TMEM74: variants seen among roughly 807,000 people sequenced by gnomAD.
The protein encoded by TMEM74 is transmembrane protein 74.
In TMEM74, 13 loss-of-function variants were observed where a neutral mutation model predicts 18.1. That is an observed-to-expected ratio of 0.72 (90% CI 0.47 to 1.14). The LOEUF is 1.14. Ranked by LOEUF, TMEM74 falls within the 50% of genes most tolerant of loss-of-function variation. The pLI, the probability that TMEM74 is intolerant of heterozygous loss-of-function variation, is 0.00. For synonymous variants in TMEM74, 159 were observed against 146.6 expected, an observed-to-expected ratio of 1.08 and a Z score of -0.61; for missense variants, 372 against 375.9, an observed-to-expected ratio of 0.99 and a Z score of 0.09.
intron 1 of TMEM74, among the ~76,000 whole-genome samples, chr8:108,730,636 T>G (rs1475601496): frequency 3.4e-5 from 5 of 145,904 alleles, no homozygotes; most frequent in Non-Finnish European, 6.0e-5. Context: ...CAGACTTCCT[T>G]TTTTTTTTTT....
At chr8:108,747,750 T>C (rs1000111448) in intron 1 of TMEM74, among the ~76,000 whole-genome samples, 1 of 145,668 alleles carries the variant, frequency 6.9e-6, no homozygotes, top group African/African-American at 2.5e-5. Flanking sequence ...GTGTCTGTTG[T>C]TTCCCCCCTG....
chr8:108,660,028 C>G (rs1812884630), intron 1 of TMEM74, among the ~76,000 whole-genome samples: 1 of 152,174 alleles, frequency 6.6e-6, no homozygotes, highest in Admixed American at 6.5e-5. Flanking sequence ...CCACCTAACC[C>G]CGCTTCCTCT....
chr8:108,683,690 C>T (rs1813138420), intron 1 of TMEM74, among the ~76,000 whole-genome samples: 1 of 151,876 alleles, frequency 6.6e-6, no homozygotes, highest in South Asian at 2.1e-4. Context: ...TTAGTCTATC[C>T]ATCATCTCAA....
chr8:108,694,777 G>T (rs986129761), intron 1 of TMEM74, among the ~76,000 whole-genome samples: 1 of 152,198 alleles, frequency 6.6e-6, no homozygotes, highest in African/African-American at 2.4e-5. Context: ...TATGGAAGAG[G>T]AGAAACAGTG....
At position 108,784,381 on chromosome 8, in the gene TMEM74, T is replaced by C. The variant is rs1477051945; in HGVS notation, c.718A>G (p.Thr240Ala). Reference sequence around the variant, plus strand: ...CAGGACAGGATGACGCCCCCCAGCGTGAGGAGGCAGAGCCCCGCAATCACA... The same window carrying C: ...CAGGACAGGATGACGCCCCCCAGCGCGAGGAGGCAGAGCCCCGCAATCACA... ...RCVIAGLCLL[T>A]LGGVILSCLL... is the part of the protein sequence containing the mutation. The change falls in exon 2 of 2, where the codon ACG (threonine) becomes GCG (alanine). Residue 240 changes from threonine (T) to alanine (A), a missense_variant. Physicochemically the swap from Thr to Ala is moderately conservative, Grantham distance 58 (BLOSUM62 0). Transcript: ENST00000297459. 1.2e-6 allele frequency: 2 copies of C among 1,614,004 alleles called. No individual in the cohort carries two copies. The highest frequency in any genetic ancestry group is 8.5e-7 in the Non-Finnish European group (1 of 1,180,006).
chr8:108,678,735 ATATTTATT>A (rs922334603), intron 1 of TMEM74, among the ~76,000 whole-genome samples: 1 of 149,458 alleles, frequency 6.7e-6, no homozygotes, highest in African/African-American at 2.4e-5. Flanking sequence ...TAAAATTTAT[ATATTTATT>A]TATTTATTTT....
At chr8:108,668,314 T>C (rs1812969426) in intron 1 of TMEM74, among the ~76,000 whole-genome samples, 1 of 152,198 alleles carries the variant, frequency 6.6e-6, no homozygotes. Flanking sequence ...AGTTAATATA[T>C]AAAGGCACAT....
intron 2 of TMEM74, among the ~76,000 whole-genome samples, chr8:108,649,038 T>G (rs1812747571): frequency 6.6e-6 from 1 of 152,168 alleles, no homozygotes; most frequent in Non-Finnish European, 1.5e-5. Flanking sequence ...TCTTTACATC[T>G]TCTGAGATTC....
intron 1 of TMEM74, among the ~76,000 whole-genome samples, chr8:108,762,361 A>G (rs1814054597): frequency 6.6e-6 from 1 of 152,154 alleles, no homozygotes; most frequent in Non-Finnish European, 1.5e-5. Flanking sequence ...GCTGATTCTC[A>G]TGAATAAGCT....
chr8:108,664,358 T>C (rs1812929442), intron 1 of TMEM74, among the ~76,000 whole-genome samples: 1 of 152,184 alleles, frequency 6.6e-6, no homozygotes, highest in African/African-American at 2.4e-5. Context: ...GTTAGCTGTA[T>C]TTCTAAATAT....
downstream of TMEM74, among the ~76,000 whole-genome samples, chr8:108,777,397 TC>T (rs1814245539): frequency 6.6e-6 from 1 of 152,288 alleles, no homozygotes; most frequent in African/African-American, 2.4e-5. Flanking sequence ...TCTTTTCAAT[TC>T]CAAGGAAAAG....
At chr8:108,677,546 G>GTTTT in intron 1 of TMEM74, among the ~76,000 whole-genome samples, 1 of 144,872 alleles carries the variant, frequency 6.9e-6, no homozygotes, top group South Asian at 2.2e-4. Context: ...GTATTCTGTT[G>GTTTT]TTTTTTTTTT....
At chr8:108,617,908 C>T (rs894559838) in intron 2 of TMEM74, among the ~76,000 whole-genome samples, 1 of 152,148 alleles carries the variant, frequency 6.6e-6, no homozygotes, top group African/African-American at 2.4e-5. Flanking sequence ...TCCCCACCCC[C>T]ATTCTCCCAG....
chr8:108,780,353 T>C lies in TMEM74; in HGVS notation c.*3828A>G, dbSNP rs1563549907. ...CACCTATCATTGCACACGTGAAAGA[T>C]GAAGACCAAAATGTTCACATGCTCC... On this transcript the variant is annotated 3_prime_UTR_variant, in exon 2 of 2. Coordinates refer to ENST00000297459, the MANE Select transcript of TMEM74 (RefSeq NM_153015.3). 6.6e-6 allele frequency among the ~76,000 whole-genome samples: 1 copy of C among 152,166 alleles called. No individual in the cohort carries two copies. The highest frequency in any genetic ancestry group is 1.5e-5 in the Non-Finnish European group (1 of 68,028).
At chr8:108,675,083 T>A (rs1586256322) in intron 1 of TMEM74, among the ~76,000 whole-genome samples, 1 of 152,314 alleles carries the variant, frequency 6.6e-6, no homozygotes, top group East Asian at 1.9e-4. Flanking sequence ...CCTTGCCTCC[T>A]GGATGAGATC....
intron 1 of TMEM74, among the ~76,000 whole-genome samples, chr8:108,773,221 T>G (rs1814193081): frequency 6.6e-6 from 1 of 152,088 alleles, no homozygotes; most frequent in Non-Finnish European, 1.5e-5. Context: ...CCCACAGACT[T>G]GTTTCCTTCC....
At chr8:108,748,895 A>G (rs1388629549) in intron 1 of TMEM74, among the ~76,000 whole-genome samples, 2 of 152,122 alleles carry the variant, frequency 1.3e-5, no homozygotes, top group Non-Finnish European at 2.9e-5. Flanking sequence ...GTCAAAGATC[A>G]GATGGTTGTA....
chr8:108,764,806 G>C (rs1007332609), intron 1 of TMEM74, among the ~76,000 whole-genome samples: 1 of 152,116 alleles, frequency 6.6e-6, no homozygotes, highest in Non-Finnish European at 1.5e-5. Context: ...TGCTAAAAAT[G>C]CTTGTATCTG....
intron 1 of TMEM74, among the ~76,000 whole-genome samples, chr8:108,673,056 A>G (rs1813019377): frequency 6.6e-6 from 1 of 152,236 alleles, no homozygotes; most frequent in Non-Finnish European, 1.5e-5. Context: ...TAAATAGAGC[A>G]TAACCTCAGT....
Sources: gnomAD v4.1 joint callset for allele counts (sites outside exome capture counted in the v4.1 genomes callset) on GRCh38, gnomAD v4.1.1 for gene constraint, MANE v1.5 for transcripts, NCBI Gene and HGNC (gene_info 2026-07-23, HGNC 2026-07-21) for gene names.